The following ZFHX3 variants were observed in gnomAD, a reference collection of about 807,000 sequenced individuals.
ZFHX3 encodes the protein zinc finger homeobox protein 3.
ZFHX3 carries 42 observed loss-of-function variants against 279.1 expected under a neutral mutation model. The observed-to-expected ratio is 0.15, with a 90% CI of 0.12 to 0.19. The LOEUF (loss-of-function observed/expected upper bound fraction) is 0.19, where lower values mean the gene tolerates loss of function less well. ZFHX3 is among the 10% of genes least tolerant of loss of function. The pLI is 1.00. For missense variants in ZFHX3, 4,981 were observed against 4,754.0 expected (o/e 1.05, Z -1.40); for synonymous variants, 2,293 against 1,957.8 (o/e 1.17, Z -4.52).
intron 2 of ZFHX3, among the ~76,000 whole-genome samples, chr16:73,574,257 C>T (rs2051773799): frequency 6.6e-6 from 1 of 152,108 alleles, no homozygotes; most frequent in Non-Finnish European, 1.5e-5. Flanking sequence ...TTTCTCATTG[C>T]TTAAAGAAAT....
At chr16:73,511,691 T>C (rs937851315) in intron 2 of ZFHX3, among the ~76,000 whole-genome samples, 1 of 152,016 alleles carries the variant, frequency 6.6e-6, no homozygotes, top group South Asian at 2.1e-4. Context: ...ACATGGCAGA[T>C]AGAGCAAAAA....
intron 1 of ZFHX3, among the ~76,000 whole-genome samples, chr16:73,762,719 C>T (rs375517273): frequency 6.6e-6 from 1 of 152,114 alleles, no homozygotes; most frequent in East Asian, 1.9e-4. Context: ...AGCAAACTAA[C>T]ATGGGAACAG....
intron 5 of ZFHX3, among the ~76,000 whole-genome samples, chr16:73,193,899 A>G (rs1160214454): frequency 1.3e-5 from 2 of 152,240 alleles, no homozygotes; most frequent in South Asian, 2.1e-4. Flanking sequence ...CACATGGTAT[A>G]CACTCAAGAT....
chr16:72,987,983 A>G (rs1255843032), intron 1 of ZFHX3, among the ~76,000 whole-genome samples: 2 of 152,202 alleles, frequency 1.3e-5, no homozygotes, highest in East Asian at 1.9e-4. Flanking sequence ...ATACCAAAAG[A>G]AAGTTTAATA....
intron 1 of ZFHX3, among the ~76,000 whole-genome samples, chr16:72,993,590 C>G (rs1413813427): frequency 6.6e-6 from 1 of 152,146 alleles, no homozygotes; most frequent in Non-Finnish European, 1.5e-5. Flanking sequence ...CAAGCGATGC[C>G]CAACAGCACA....
rs1404365799 is a variant in ZFHX3 at position 72,800,238 on chromosome 16, G to C, written c.3865-109C>G. On this transcript the variant is annotated intron_variant, in intron 7 of 9. Transcript: ENST00000268489. ...ATTAGCCTTCACCAGTGTAAAGCTAGAGGTGTCTCACTTTTCATAGCTCAC... is the reference window on the plus strand; with the variant it reads ...ATTAGCCTTCACCAGTGTAAAGCTACAGGTGTCTCACTTTTCATAGCTCAC... 5.3e-5 allele frequency: 45 copies of C among 844,136 alleles called. No homozygotes were observed. The East Asian group carries it at 1.2e-3, about 23-fold the overall frequency. 52.3% of individuals were successfully genotyped at this position (844,136 alleles called of 1,614,324 possible).
chr16:73,004,353 G>A (rs1228008448), intron 1 of ZFHX3, among the ~76,000 whole-genome samples: 1 of 116,424 alleles, frequency 8.6e-6, no homozygotes, highest in Non-Finnish European at 1.7e-5. Flanking sequence ...TTTTGAGATG[G>A]AGTTTCACTC....
intron 2 of ZFHX3, chr16:73,609,222 T>C (rs1360055134): frequency 6.6e-6 from 1 of 152,210 alleles, no homozygotes; most frequent in Non-Finnish European, 1.5e-5. Flanking sequence ...GATTTGCTCA[T>C]CATCATCATC....
intron 2 of ZFHX3, among the ~76,000 whole-genome samples, chr16:73,478,252 G>A (rs536587941): frequency 3.0e-5 from 4 of 133,444 alleles, no homozygotes; most frequent in African/African-American, 8.8e-5. Flanking sequence ...GTGACAGAGC[G>A]AGACTCCATC....
intron 3 of ZFHX3, among the ~76,000 whole-genome samples, chr16:72,890,791 G>A (rs1005125212): frequency 1.3e-5 from 2 of 152,210 alleles, no homozygotes; most frequent in African/African-American, 4.8e-5. Context: ...TGTAAATAAA[G>A]TTTTATTGGA....
intron 4 of ZFHX3, among the ~76,000 whole-genome samples, chr16:72,852,516 C>A (rs970769139): frequency 6.6e-6 from 1 of 152,180 alleles, no homozygotes; most frequent in Non-Finnish European, 1.5e-5. Context: ...GCTATTACTA[C>A]TACACAGGCA....
At chr16:73,747,858 C>G (rs1255796288) in intron 1 of ZFHX3, among the ~76,000 whole-genome samples, 1 of 152,148 alleles carries the variant, frequency 6.6e-6, no homozygotes, top group Admixed American at 6.5e-5. Context: ...ATACCACGAC[C>G]AGTTGCATAG....
At position 72,960,030 on chromosome 16, in the gene ZFHX3, A is replaced by G. The variant is rs372426520; in HGVS notation, c.116T>C (p.Met39Thr). ...GTGGCTCTCGCCTGTGGACTGCTCC[A>G]TGCTACTGGGTTTGTCAGGGAGGTG... ...STHLPDKPSS[M>T]EQSTGESHGP... Residue 39 changes from methionine (M) to threonine (T), a missense_variant, in exon 2 of 10, where the codon ATG (methionine) becomes ACG (threonine). Physicochemically the swap from Met to Thr is moderately conservative, Grantham distance 81. Around this residue, in one of 7 missense-constraint regions of ZFHX3, gnomAD observed 1,068 missense variants for 935.2 expected, o/e 1.14. Transcript: ENST00000268489. 9.9e-6 allele frequency: 16 copies of G among 1,613,878 alleles called. No homozygotes were observed. The highest frequency in any genetic ancestry group is 1.3e-5 in the Non-Finnish European group (15 of 1,179,930).
chr16:73,116,978 GTC>G (rs758893675), intron 7 of ZFHX3, among the ~76,000 whole-genome samples: 102 of 152,314 alleles, frequency 6.7e-4, no homozygotes, highest in Non-Finnish European at 1.1e-3. Context: ...TCTGGGAACA[GTC>G]TGAGGGCATG....
intron 3 of ZFHX3, among the ~76,000 whole-genome samples, chr16:72,925,204 G>T (rs577607082): frequency 6.6e-6 from 1 of 152,118 alleles, no homozygotes; most frequent in Non-Finnish European, 1.5e-5. Flanking sequence ...ATCGAAATCG[G>T]TCGTGAGGCT....
intron 1 of ZFHX3, among the ~76,000 whole-genome samples, chr16:73,704,824 G>A (rs905622429): frequency 5.9e-5 from 9 of 152,344 alleles, no homozygotes; most frequent in African/African-American, 2.2e-4. Flanking sequence ...AGCTCTGGGA[G>A]CCAGTGTAGA....
At chr16:73,235,285 G>T (rs2012908084) in intron 5 of ZFHX3, among the ~76,000 whole-genome samples, 1 of 152,164 alleles carries the variant, frequency 6.6e-6, no homozygotes, top group Non-Finnish European at 1.5e-5. Context: ...TCACCAGGAT[G>T]GTCTCGATCT....
intron 1 of ZFHX3, among the ~76,000 whole-genome samples, chr16:73,792,901 T>A (rs759787832): frequency 8.9e-4 from 125 of 140,212 alleles, no homozygotes; most frequent in Non-Finnish European, 1.3e-3. Flanking sequence ...AAAACAGATG[T>A]AGCAACTTCT....
chr16:73,172,931 GTTTT>G (rs376709821), intron 5 of ZFHX3, among the ~76,000 whole-genome samples: 2 of 97,156 alleles, frequency 2.1e-5, no homozygotes, highest in African/African-American at 4.0e-5. Context: ...GCTGCCTGTG[GTTTT>G]TTTTTTTTTT....
Sources: gnomAD v4.1 joint callset for allele counts (sites outside exome capture counted in the v4.1 genomes callset) on GRCh38, gnomAD v4.1.1 for gene constraint, gnomAD v4.1.1 regional missense constraint, MANE v1.5 for transcripts, NCBI Gene and HGNC (gene_info 2026-07-23, HGNC 2026-07-21) for gene names.